Variants in FRMD5 observed in about 807,000 individuals in gnomAD.
FRMD5 encodes the protein FERM domain containing 5, also known as FERM domain-containing protein 5.
FRMD5 carries 20 observed loss-of-function variants against 69.0 expected under a neutral mutation model. The observed-to-expected ratio is 0.29, with a 90% CI of 0.20 to 0.42. The LOEUF (loss-of-function observed/expected upper bound fraction) is 0.42. Among genes scored for constraint, FRMD5 ranks in the 10% least tolerant of loss-of-function variants. The pLI, the probability that FRMD5 is intolerant of heterozygous loss-of-function variation, is 1.00. For synonymous variants in FRMD5, 271 were observed against 260.1 expected, an observed-to-expected ratio of 1.04 and a Z score of -0.40; for missense variants, 595 against 708.6, an observed-to-expected ratio of 0.84 and a Z score of 1.82.
chr15:44,103,081 T>A lies in FRMD5; in HGVS notation c.102+91872A>T, dbSNP rs1303768334. Among the ~76,000 whole-genome samples the A allele has an allele frequency of 2.0e-5, 3 of 152,080 alleles. No individual in the cohort carries two copies. In the East Asian group the frequency reaches 5.8e-4, roughly 29 times the overall value. On this transcript the variant is annotated intron_variant, in intron 1 of 13. Coordinates refer to ENST00000417257, the MANE Select transcript of FRMD5 (RefSeq NM_032892.5). ...TTCAAAGAAAGGAGGACACACATGG[T>A]CAATTAGGAAGAAAAACCTCTTTGT...
intron 1 of FRMD5, among the ~76,000 whole-genome samples, chr15:44,076,881 C>T (rs2140431852): frequency 6.6e-6 from 1 of 152,034 alleles, no homozygotes; most frequent in East Asian, 1.9e-4. Flanking sequence ...TCTGAGATGT[C>T]CAGAAATGGG....
At chr15:44,068,506 G>A (rs1193368383) in intron 1 of FRMD5, among the ~76,000 whole-genome samples, 2 of 152,160 alleles carry the variant, frequency 1.3e-5, no homozygotes, top group Non-Finnish European at 2.9e-5. Flanking sequence ...GCCACTTAGT[G>A]CAGAATTCCG....
intron 1 of FRMD5, among the ~76,000 whole-genome samples, chr15:43,961,751 T>C (rs1232553632): frequency 6.6e-6 from 1 of 152,128 alleles, no homozygotes; most frequent in African/African-American, 2.4e-5. Flanking sequence ...TGGTTCAACA[T>C]ATGAAAATCA....
intron 1 of FRMD5, among the ~76,000 whole-genome samples, chr15:43,982,654 TA>T (rs1454319463): frequency 2.0e-5 from 3 of 152,188 alleles, no homozygotes; most frequent in Non-Finnish European, 4.4e-5. Context: ...TATACTTCAT[TA>T]GGGGAGAAAT....
chr15:44,057,273 T>C (rs1379914054), intron 1 of FRMD5, among the ~76,000 whole-genome samples: 2 of 151,288 alleles, frequency 1.3e-5, no homozygotes, highest in Non-Finnish European at 2.9e-5. Flanking sequence ...GCCTGGCTAA[T>C]TTTTGTATTT....
At chr15:44,187,253 C>T (rs1441370902) in intron 1 of FRMD5, among the ~76,000 whole-genome samples, 3 of 152,144 alleles carry the variant, frequency 2.0e-5, no homozygotes, top group African/African-American at 4.8e-5. Flanking sequence ...TGACATAATG[C>T]CATTGCTTTG....
At position 43,871,703 on chromosome 15, in the gene FRMD5, T is replaced by C. The variant is rs1445538433; in HGVS notation, c.*2182A>G. 1 of 152,262 alleles carries C rather than the reference T, an allele frequency of 6.6e-6. No homozygotes were observed. Among genetic ancestry groups the C allele is most frequent in the African/African-American group, 2.4e-5 (1 of 41,464 alleles). The allele number at this position is 152,262 out of a possible 1,614,324, so 9.4% of individuals were successfully genotyped here. On this transcript the variant is annotated 3_prime_UTR_variant, in exon 14 of 14. Coordinates refer to ENST00000417257, the MANE Select transcript of FRMD5 (RefSeq NM_032892.5). The stretch of plus-strand genomic sequence containing the variant: ...CTCGATAAATAGATGTTTATAATTC[T>C]GCCTAAATTGTTGCTGGTATGAAAA...
chr15:43,996,671 CT>C (rs1251681444), intron 1 of FRMD5, among the ~76,000 whole-genome samples: 1 of 135,578 alleles, frequency 7.4e-6, no homozygotes, highest in Admixed American at 7.8e-5. Flanking sequence ...CTGAATTGAT[CT>C]GAGTGGGGAT....
chr15:43,903,052 C>A (rs1183578784), intron 6 of FRMD5, among the ~76,000 whole-genome samples: 1 of 152,258 alleles, frequency 6.6e-6, no homozygotes, highest in East Asian at 1.9e-4. Context: ...AGGCAGAGAT[C>A]AGCTCCGGCT....
At chr15:44,099,252 T>A (rs868466797) in intron 1 of FRMD5, among the ~76,000 whole-genome samples, 1 of 152,204 alleles carries the variant, frequency 6.6e-6, no homozygotes, top group Non-Finnish European at 1.5e-5. Context: ...AACTTTAACA[T>A]GCATGCAAAC....
intron 1 of FRMD5, among the ~76,000 whole-genome samples, chr15:44,164,442 C>T (rs1402524148): frequency 6.6e-6 from 1 of 151,994 alleles, no homozygotes. Flanking sequence ...TCAGGGACCA[C>T]ATAGAAGATA....
intron 1 of FRMD5, among the ~76,000 whole-genome samples, chr15:43,994,652 G>A (rs1209267080): frequency 1.3e-5 from 2 of 152,110 alleles, no homozygotes; most frequent in East Asian, 1.9e-4. Flanking sequence ...GGCTGGTCTC[G>A]AACTCCTGAC....
intron 1 of FRMD5, among the ~76,000 whole-genome samples, chr15:44,051,400 A>G (rs1295622643): frequency 6.7e-6 from 1 of 150,162 alleles, no homozygotes; most frequent in Non-Finnish European, 1.5e-5. Context: ...CGTCTCTACT[A>G]AAAATACAAA....
chr15:44,112,590 C>T (rs1263646836), intron 1 of FRMD5, among the ~76,000 whole-genome samples: 1 of 151,906 alleles, frequency 6.6e-6, no homozygotes, highest in African/African-American at 2.4e-5. Flanking sequence ...CCTCAGCCTC[C>T]GGAGTAGCTG....
chr15:43,913,033 C>CAAA (rs1242970072), intron 4 of FRMD5, among the ~76,000 whole-genome samples: 37 of 87,110 alleles, frequency 4.2e-4, no homozygotes, highest in African/African-American at 1.3e-3. Flanking sequence ...AACTCCATCT[C>CAAA]AAAAAAAAAA....
At chr15:44,140,009 T>C (rs1380727974) in intron 1 of FRMD5, among the ~76,000 whole-genome samples, 1 of 151,824 alleles carries the variant, frequency 6.6e-6, no homozygotes. Flanking sequence ...CATATACATA[T>C]ATACACATAA....
chr15:44,177,845 T>G (rs1285803427), intron 1 of FRMD5, among the ~76,000 whole-genome samples: 1 of 152,186 alleles, frequency 6.6e-6, no homozygotes, highest in African/African-American at 2.4e-5. Flanking sequence ...GGTTTGTGGC[T>G]GCCAGAAGCT....
chr15:44,021,291 T>C (rs553321534), intron 1 of FRMD5, among the ~76,000 whole-genome samples: 106 of 152,270 alleles, frequency 7.0e-4, no homozygotes, highest in Non-Finnish European at 1.1e-3. Context: ...TATACATATA[T>C]ATGTAAGTTT....
chr15:44,107,596 G>A (rs1014674783), intron 1 of FRMD5, among the ~76,000 whole-genome samples: 2 of 151,980 alleles, frequency 1.3e-5, no homozygotes, highest in Non-Finnish European at 2.9e-5. Context: ...GATTAGAGGG[G>A]GGAAAGCAAC....
Sources: gnomAD v4.1 joint callset for allele counts (sites outside exome capture counted in the v4.1 genomes callset) on GRCh38, gnomAD v4.1.1 for gene constraint, MANE v1.5 for transcripts, NCBI Gene and HGNC (gene_info 2026-07-23, HGNC 2026-07-21) for gene names.